The following APBB1 variants were observed in gnomAD, a reference collection of about 807,000 sequenced individuals.
The protein encoded by APBB1 is adaptor protein FE65a2.
A neutral mutation model predicts 78.4 loss-of-function variants in APBB1; 22 were observed. That is an observed-to-expected ratio of 0.28 (90% confidence interval 0.20 to 0.40). The LOEUF is 0.40. Ranked by LOEUF, APBB1 falls within the 10% of genes least tolerant of loss-of-function variation. The probability of loss-of-function intolerance (pLI) is 1.00; values close to 1 mark genes in which losing one functional copy is unlikely to be tolerated. For missense variants in APBB1, 749 were observed against 932.4 expected (o/e 0.80, Z 2.56); for synonymous variants, 369 against 372.7 (o/e 0.99, Z 0.12).
Position 6,401,538 on chromosome 11 carries a change from G to A in APBB1, c.1503+36C>T. 6.2e-7 allele frequency: 1 copy of A among 1,614,102 alleles called. No individual in the cohort carries two copies. The highest frequency in any genetic ancestry group is 1.7e-5 in the Admixed American group (1 of 60,018). ...CCCACCCACACCCTTGTAGAGCAAA[G>A]GTGGCAACTAGTCCAGGGAGTGGAG... On this transcript the variant is annotated intron_variant, in intron 10 of 14. Transcript: ENST00000609360. This position sits in a 1 kb window ranked among gnomAD's most constrained non-coding sequence, Gnocchi z 4.5.
In APBB1 at chr11:6,411,247, T is replaced by C. The variant is rs895734237; in HGVS notation, c.101A>G (p.Gln34Arg). The part of the protein sequence containing the change: ...LPLPLHAAHN[Q>R]LLNAKLQATA... ...GGCCTGCAGCTTGGCGTTGAGCAGC[T>C]GGTTGTGGGCAGCGTGCAGAGGCAG... Residue 34 changes from glutamine to arginine, a missense_variant, in exon 2 of 15, where the codon CAG becomes CGG. By Grantham distance (43) the Gln-to-Arg change is conservative. This residue lies in a region of APBB1 where 635 missense variants were observed against 765.0 expected (regional missense o/e 0.83). Coordinates refer to ENST00000609360, the MANE Select transcript of APBB1 (RefSeq NM_001164.5). This position sits in a 1 kb window ranked among gnomAD's most constrained non-coding sequence, Gnocchi z 5.2. 16 of 1,607,398 alleles carry C rather than the reference T, an allele frequency of 1.0e-5. No individual in the cohort carries two copies. The highest frequency in any genetic ancestry group is 1.2e-5 in the Non-Finnish European group (14 of 1,177,618).
rs1345741011 is a variant in APBB1 at position 6,403,964 on chromosome 11, G to A, written c.722-142C>T. 3.2e-6 allele frequency: 3 copies of A among 926,868 alleles called. No homozygotes were observed. The highest frequency in any genetic ancestry group is 4.7e-6 in the Non-Finnish European group (3 of 643,574). 57.4% of individuals were successfully genotyped at this position (926,868 alleles called of 1,614,324 possible). ...ACAACACAGTTCCTGCTTCTGCCTA[G>A]AGCCTATAGTCTGGAGTCACCACAT... On this transcript the variant is annotated intron_variant, in intron 2 of 14. Coordinates refer to ENST00000609360, the MANE Select transcript of APBB1 (RefSeq NM_001164.5). This position sits in a 1 kb window ranked among gnomAD's most constrained non-coding sequence, Gnocchi z 5.3.
rs899332217 is a variant in APBB1, at chr11:6,411,920, AGCC to A, written c.-14-562_-14-560del. Among the ~76,000 whole-genome samples the A allele has an allele frequency of 5.9e-5, 9 of 152,236 alleles. No individual in the cohort carries two copies. Among genetic ancestry groups the A allele is most frequent in the African/African-American group, 2.2e-4 (9 of 41,466 alleles). Reference sequence around the variant, plus strand: ...ACAGGAGCAAATAAGCTGCAGAACCAGCCCTACAGGGCATGGCACTGGAAGGCA... The same window carrying A: ...ACAGGAGCAAATAAGCTGCAGAACCACTACAGGGCATGGCACTGGAAGGCA... On this transcript the variant is annotated intron_variant, in intron 1 of 14. Transcript: ENST00000609360. This position sits in a 1 kb window ranked among gnomAD's most constrained non-coding sequence, Gnocchi z 5.2.
intron 2 of APBB1, among the ~76,000 whole-genome samples, chr11:6,406,672 A>G (rs974473002): frequency 6.6e-6 from 1 of 152,018 alleles, no homozygotes; most frequent in Non-Finnish European, 1.5e-5. Context: ...TGCTTGGGAC[A>G]TGCCCCCTTG....
chr11:6,401,826 T>G lies in APBB1; in HGVS notation c.1389-138A>C. 7.0e-7 allele frequency: 1 copy of G among 1,420,814 alleles called. No homozygotes were observed. Among genetic ancestry groups the G allele is most frequent in the Non-Finnish European group, 9.8e-7 (1 of 1,024,106 alleles). 88.0% of individuals were successfully genotyped at this position (1,420,814 alleles called of 1,614,324 possible). A position where few individuals can be genotyped will look rare whatever the true frequency, so the allele number is the denominator to read the frequency against. On this transcript the variant is annotated intron_variant, in intron 9 of 14. Coordinates refer to ENST00000609360, the MANE Select transcript of APBB1 (RefSeq NM_001164.5). This position sits in a 1 kb window ranked among gnomAD's most constrained non-coding sequence, Gnocchi z 4.5. Reference sequence around the variant, plus strand: ...CAGCTGGTCCCCCATAGGTGCTGCCTTCTTGGGGGGGAGGGGTAGACAGGC... The same window carrying G: ...CAGCTGGTCCCCCATAGGTGCTGCCGTCTTGGGGGGGAGGGGTAGACAGGC...
In APBB1 at chr11:6,401,814, A is replaced by C; in HGVS notation, c.1389-126T>G. ...GGCTTCTGCCCACAGCTGGTCCCCCATAGGTGCTGCCTTCTTGGGGGGGAG... is the reference window on the plus strand; with the variant it reads ...GGCTTCTGCCCACAGCTGGTCCCCCCTAGGTGCTGCCTTCTTGGGGGGGAG... On this transcript the variant is annotated intron_variant, in intron 9 of 14. Transcript: ENST00000609360. This position sits in a 1 kb window ranked among gnomAD's most constrained non-coding sequence, Gnocchi z 4.5. 7.0e-7 allele frequency: 1 copy of C among 1,427,238 alleles called. No homozygotes were observed. Among genetic ancestry groups the C allele is most frequent in the East Asian group, 2.3e-5 (1 of 42,836 alleles). 88.4% of individuals were successfully genotyped at this position (1,427,238 alleles called of 1,614,324 possible). A position where few individuals can be genotyped will look rare whatever the true frequency, so the allele number is the denominator to read the frequency against.
At chr11:6,398,762 A>T (rs1214012059) in intron 12 of APBB1, among the ~76,000 whole-genome samples, 4 of 152,176 alleles carry the variant, frequency 2.6e-5, no homozygotes, top group Non-Finnish European at 4.4e-5. Flanking sequence ...GCAAATCCAA[A>T]CCTTCTTTCA....
chr11:6,396,790 C>G (rs1379624846), intron 12 of APBB1, among the ~76,000 whole-genome samples: 1 of 152,150 alleles, frequency 6.6e-6, no homozygotes, highest in African/African-American at 2.4e-5. Context: ...TAGGTCACAT[C>G]GAGGAATGGG....
upstream of APBB1, chr11:6,419,374 G>T: frequency 5.2e-6 from 1 of 190,794 alleles, no homozygotes; most frequent in Non-Finnish European, 1.1e-5. Context: ...CCCTGGTCCC[G>T]CACCCACGCC....
intron 1 of APBB1, among the ~76,000 whole-genome samples, chr11:6,413,933 T>G (rs866576448): frequency 2.0e-5 from 3 of 152,184 alleles, no homozygotes; most frequent in African/African-American, 7.2e-5. Flanking sequence ...TCACAGCCAC[T>G]GGAATAAATG....
In APBB1 at chr11:6,403,838, C is replaced by T. The variant is rs1482059618; in HGVS notation, c.722-16G>A. 5 of 1,534,292 alleles carry T rather than the reference C, an allele frequency of 3.3e-6. No homozygotes were observed. Among genetic ancestry groups the T allele is most frequent in the Non-Finnish European group, 3.5e-6 (4 of 1,139,032 alleles). ...CAGAAGGAATCTGCCAGGTGGGAGGCTTGGTGAGGGTCAGCCTACCCAAAG... is the reference window on the plus strand; with the variant it reads ...CAGAAGGAATCTGCCAGGTGGGAGGTTTGGTGAGGGTCAGCCTACCCAAAG... On this transcript the variant is annotated splice_polypyrimidine_tract_variant and intron_variant, in intron 2 of 14. Transcript: ENST00000609360. The surrounding 1 kb of genome is among the most constrained non-coding windows in gnomAD (Gnocchi z 5.3).
In APBB1 at chr11:6,411,102, C is replaced by G; in HGVS notation, c.246G>C (p.Thr82=). The G allele has an allele frequency of 6.2e-7, 1 of 1,612,584 alleles. No individual in the cohort carries two copies. The highest frequency in any genetic ancestry group is 8.5e-7 in the Non-Finnish European group (1 of 1,179,986). Residue 82 remains threonine, a synonymous_variant, in exon 2 of 15, where the codon ACG becomes ACC. Coordinates refer to ENST00000609360, the MANE Select transcript of APBB1 (RefSeq NM_001164.5). The surrounding 1 kb of genome is among the most constrained non-coding windows in gnomAD (Gnocchi z 5.2). ...EGQNQLRRAA[T]AHRDQNRNVT... The stretch of plus-strand genomic sequence containing the variant: ...CATTGCGATTCTGGTCACGGTGGGC[C>G]GTGGCGGCCCGCCGGAGCTGGTTCT...
At chr11:6,414,685 G>A (rs1441793517) in intron 1 of APBB1, among the ~76,000 whole-genome samples, 5 of 152,198 alleles carry the variant, frequency 3.3e-5, no homozygotes, top group Non-Finnish European at 7.3e-5. Flanking sequence ...CTGGAGAGGT[G>A]AGGGCTGAGA....
In APBB1 at chr11:6,411,881, T is replaced by G. The variant is rs996338875; in HGVS notation, c.-14-520A>C. 9.2e-5 allele frequency among the ~76,000 whole-genome samples: 14 copies of G among 152,140 alleles called. No homozygotes were observed. The highest frequency in any genetic ancestry group is 2.9e-4 in the African/African-American group (12 of 41,412). On this transcript the variant is annotated intron_variant, in intron 1 of 14. Coordinates refer to ENST00000609360, the MANE Select transcript of APBB1 (RefSeq NM_001164.5). The surrounding 1 kb of genome is among the most constrained non-coding windows in gnomAD (Gnocchi z 5.2). ...ACCAGCCCCCAAGCCCACCCCATAC[T>G]AGGGACTGTGAGGACAGGAGCAAAT... is the stretch of plus-strand genomic sequence containing the variant.
Position 6,395,866 on chromosome 11 carries a change from G to A in APBB1, c.1885C>T (p.Pro629Ser), listed in dbSNP as rs1214851034. 1 of 1,613,972 alleles carries A rather than the reference G, an allele frequency of 6.2e-7. No individual in the cohort carries two copies. Among genetic ancestry groups the A allele is most frequent in the African/African-American group, 1.3e-5 (1 of 74,900 alleles). ...HTFAFIMAAG[P>S]ASFCCHMFWC... ...AACATGTGGCAGCAGAAGGAGGCTG[G>A]GCCGGCAGCCATGATGAATGCAAAC... Residue 629 changes from proline (P) to serine (S), a missense_variant, in exon 14 of 15, where the codon CCA becomes TCA. Around this residue, in one of 3 missense-constraint regions of APBB1, gnomAD observed 96 missense variants for 116.0 expected, o/e 0.83. Coordinates refer to ENST00000609360, the MANE Select transcript of APBB1 (RefSeq NM_001164.5). This position sits in a 1 kb window ranked among gnomAD's most constrained non-coding sequence, Gnocchi z 5.2.
chr11:6,410,046 A>G (rs1479954865), intron 2 of APBB1, among the ~76,000 whole-genome samples: 11 of 151,314 alleles, frequency 7.3e-5, no homozygotes, highest in Non-Finnish European at 8.8e-5. Flanking sequence ...ACCTGTTAAA[A>G]CGGGGCAGAC....
At chr11:6,414,601 C>G (rs1395801681) in intron 1 of APBB1, among the ~76,000 whole-genome samples, 1 of 152,008 alleles carries the variant, frequency 6.6e-6, no homozygotes, top group Non-Finnish European at 1.5e-5. Flanking sequence ...TGGGGAGGAG[C>G]AAAGGGAGTG....
intron 1 of APBB1, among the ~76,000 whole-genome samples, chr11:6,412,310 G>A (rs368342326): frequency 3.3e-5 from 5 of 152,216 alleles, no homozygotes; most frequent in Middle Eastern, 3.4e-3. Context: ...CCACCACCAC[G>A]CCCAGGTAAT....
chr11:6,419,275 C>T (rs1849201806), upstream of APBB1: 1 of 281,900 alleles, frequency 3.5e-6, no homozygotes. Context: ...CCAGCAGACA[C>T]CCCTGCAGCC....
Sources: gnomAD v4.1 joint callset for allele counts (sites outside exome capture counted in the v4.1 genomes callset) on GRCh38, gnomAD v4.1.1 for gene constraint, gnomAD v4.1.1 regional missense constraint, Gnocchi (gnomAD v3.1) non-coding constraint, MANE v1.5 for transcripts, NCBI Gene and HGNC (gene_info 2026-07-23, HGNC 2026-07-21) for gene names.